The following BCL11A variants were observed in gnomAD, a reference collection of about 807,000 sequenced individuals.
BCL11A encodes BCL11 transcription factor A.
In BCL11A, 2 loss-of-function variants were observed where a neutral mutation model predicts 55.9. The observed-to-expected ratio is 0.04, with a 90% CI of 0.01 to 0.11. The LOEUF (loss-of-function observed/expected upper bound fraction) is 0.11, where lower values mean the gene tolerates loss of function less well. Ranked by LOEUF, BCL11A falls within the 10% of genes least tolerant of loss-of-function variation. BCL11A has a pLI of 1.00. For missense variants in BCL11A, 817 were observed against 1,137.1 expected, an observed-to-expected ratio of 0.72 and a Z score of 4.05; for synonymous variants, 465 against 473.4, an observed-to-expected ratio of 0.98 and a Z score of 0.23.
chr2:60,509,693 C>T (rs370317085), intron 2 of BCL11A, among the ~76,000 whole-genome samples: 12 of 152,276 alleles, frequency 7.9e-5, no homozygotes, highest in African/African-American at 2.9e-4. Flanking sequence ...AGGAGAAAAA[C>T]ACCTGGCCCT....
Position 60,459,507 on chromosome 2 carries a change from T to C in BCL11A, c.*897A>G. ...TAAAATTAAACTAAAGGAAAAATGATGATTAACTAGGACATAATGGGTCAT... is the reference window on the plus strand; with the variant it reads ...TAAAATTAAACTAAAGGAAAAATGACGATTAACTAGGACATAATGGGTCAT... On this transcript the variant is annotated 3_prime_UTR_variant, in exon 4 of 4. Transcript: ENST00000642384. The C allele has an allele frequency of 9.8e-7, 1 of 1,022,694 alleles. No homozygotes were observed. 63.4% of individuals were successfully genotyped at this position (1,022,694 alleles called of 1,614,324 possible).
intron 2 of BCL11A, among the ~76,000 whole-genome samples, chr2:60,498,376 G>C (rs568651585): frequency 6.6e-6 from 1 of 152,168 alleles, no homozygotes; most frequent in East Asian, 1.9e-4. Flanking sequence ...ACCCCTATCA[G>C]TGCCGACCAA....
chr2:60,475,816 A>T (rs912102205), intron 2 of BCL11A, among the ~76,000 whole-genome samples: 6 of 152,076 alleles, frequency 3.9e-5, no homozygotes, highest in Admixed American at 2.0e-4. Flanking sequence ...TGCTCTATGT[A>T]TTCCCACTGC....
At chr2:60,530,333 A>T (rs1446894003) in intron 2 of BCL11A, among the ~76,000 whole-genome samples, 1 of 16,654 alleles carries the variant, frequency 6.0e-5, no homozygotes, top group Non-Finnish European at 2.9e-4. Flanking sequence ...TCAGCCATTT[A>T]AAAAAAAAAA....
At chr2:60,472,852 C>G (rs910034278) in intron 2 of BCL11A, among the ~76,000 whole-genome samples, 4 of 152,134 alleles carry the variant, frequency 2.6e-5, no homozygotes. Flanking sequence ...CCAAATGTGC[C>G]AAAACAGCTA....
chr2:60,474,005 T>G (rs988461455), intron 2 of BCL11A, among the ~76,000 whole-genome samples: 1 of 152,222 alleles, frequency 6.6e-6, no homozygotes, highest in African/African-American at 2.4e-5. Flanking sequence ...ATTTCTTCCC[T>G]GAAACTCTCT....
chr2:60,524,020 G>A (rs1669099750), intron 2 of BCL11A, among the ~76,000 whole-genome samples: 1 of 152,222 alleles, frequency 6.6e-6, no homozygotes, highest in Non-Finnish European at 1.5e-5. Context: ...ATTATCAGGG[G>A]TGCTTTATTG....
chr2:60,462,324 T>A lies in BCL11A; in HGVS notation c.588A>T (p.Arg196Ser). ...TTCCGTGTTCGCTTTCTAAGTAGAT[T>A]CTTAATCCATGAGTGTTCTGTGCGT... Reference protein sequence around the residue: ...LQHAQNTHGLRIYLESEHGSP... With the variant: ...LQHAQNTHGLSIYLESEHGSP... The change falls in exon 4 of 4, where the codon AGA becomes AGT. Residue 196 changes from arginine (R) to serine (S), a missense_variant. Arg to Ser is a moderately radical substitution (Grantham distance 110). Around this residue, in one of 4 missense-constraint regions of BCL11A, gnomAD observed 363 missense variants for 486.6 expected, o/e 0.75. Transcript: ENST00000642384. 1.2e-6 allele frequency: 2 copies of A among 1,614,154 alleles called. No individual in the cohort carries two copies. Among genetic ancestry groups the A allele is most frequent in the Non-Finnish European group, 1.7e-6 (2 of 1,180,018 alleles).
chr2:60,465,224 A>C (rs1427446389), intron 3 of BCL11A, among the ~76,000 whole-genome samples: 2 of 152,236 alleles, frequency 1.3e-5, no homozygotes, highest in Non-Finnish European at 2.9e-5. Context: ...ATAATTTGTG[A>C]AATTACTTTG....
At chr2:60,551,764 C>A (rs1282067962) in intron 1 of BCL11A, among the ~76,000 whole-genome samples, 1 of 151,102 alleles carries the variant, frequency 6.6e-6, no homozygotes, top group Admixed American at 6.6e-5. Flanking sequence ...TGCCGCCGTG[C>A]CTGGCGGGTG....
intron 2 of BCL11A, among the ~76,000 whole-genome samples, chr2:60,530,743 C>T (rs1427809637): frequency 1.3e-5 from 2 of 151,558 alleles, no homozygotes; most frequent in Non-Finnish European, 1.5e-5. Context: ...GGCCCTGACA[C>T]GCTCTCATCT....
At chr2:60,515,844 G>C (rs1407470389) in intron 2 of BCL11A, among the ~76,000 whole-genome samples, 1 of 152,172 alleles carries the variant, frequency 6.6e-6, no homozygotes, top group Non-Finnish European at 1.5e-5. Flanking sequence ...TCAACCCACT[G>C]TGAGGTCTTA....
chr2:60,543,918 A>T (rs1670037441), intron 2 of BCL11A: 1 of 152,208 alleles, frequency 6.6e-6, no homozygotes, highest in Non-Finnish European at 1.5e-5. Context: ...AGGCTCTGCT[A>T]TTATACTTGT....
chr2:60,467,315 ATGG>A (rs374509668), intron 3 of BCL11A, among the ~76,000 whole-genome samples: 2 of 25,490 alleles, frequency 7.8e-5, no homozygotes, highest in African/African-American at 1.7e-4. Context: ...GGTGGTGGTG[ATGG>A]TGGTGGTGGT....
intron 2 of BCL11A, among the ~76,000 whole-genome samples, chr2:60,510,167 ACT>A (rs1162382395): frequency 2.6e-5 from 4 of 151,640 alleles, no homozygotes; most frequent in Non-Finnish European, 5.9e-5. Flanking sequence ...GGCCCAAGAG[ACT>A]CTCTGGAAGC....
chr2:60,467,251 AATGGTGGTG>A (rs1676741467), intron 3 of BCL11A, among the ~76,000 whole-genome samples: 1 of 15,166 alleles, frequency 6.6e-5, no homozygotes, highest in African/African-American at 2.7e-4. Flanking sequence ...TGGTGGTGGT[AATGGTGGTG>A]GTGGTGATGG....
chr2:60,541,332 AT>A (rs556595609), intron 2 of BCL11A, among the ~76,000 whole-genome samples: 34 of 150,074 alleles, frequency 2.3e-4, no homozygotes, highest in East Asian at 2.0e-3. Context: ...TTTTAGATAT[AT>A]TTTTTTTTTC....
intron 2 of BCL11A, among the ~76,000 whole-genome samples, chr2:60,518,262 A>T (rs1668823015): frequency 2.0e-5 from 3 of 152,214 alleles, no homozygotes; most frequent in Admixed American, 2.0e-4. Flanking sequence ...CTCTGTCAAC[A>T]TCTGCTGAGC....
At chr2:60,470,467 C>A (rs917643844) in intron 2 of BCL11A, among the ~76,000 whole-genome samples, 5 of 152,182 alleles carry the variant, frequency 3.3e-5, no homozygotes, top group African/African-American at 1.2e-4. Context: ...AACAGACATC[C>A]TTTTCTTAGG....
Sources: allele counts gnomAD v4.1 joint callset (sites outside exome capture counted in the v4.1 genomes callset), GRCh38; gene constraint gnomAD v4.1.1; regional missense constraint gnomAD v4.1.1; transcripts MANE v1.5; gene names NCBI Gene and HGNC (gene_info 2026-07-23, HGNC 2026-07-21).